ABCC4: variants seen among roughly 807,000 people sequenced by gnomAD.
ABCC4 encodes the protein ATP-binding cassette sub-family C member 4.
A neutral mutation model predicts 168.5 loss-of-function variants in ABCC4; 102 were observed. The observed-to-expected ratio is 0.61, with a 90% CI of 0.52 to 0.71. The LOEUF (loss-of-function observed/expected upper bound fraction) is 0.71, where lower values mean the gene tolerates loss of function less well. Ranked by LOEUF, ABCC4 falls within the 30% of genes least tolerant of loss-of-function variation. The pLI is 0.00. For synonymous variants in ABCC4, 617 were observed against 590.7 expected, an observed-to-expected ratio of 1.04 and a Z score of -0.65; for missense variants, 1,402 against 1,605.8, an observed-to-expected ratio of 0.87 and a Z score of 2.17.
chr13:95,204,119 A>T (rs953503886), intron 8 of ABCC4, among the ~76,000 whole-genome samples: 9 of 152,136 alleles, frequency 5.9e-5, no homozygotes, highest in Non-Finnish European at 1.2e-4. Flanking sequence ...AAGGGAGGAC[A>T]CCCCAGCCAC....
chr13:95,080,565 C>T (rs1272994573), intron 21 of ABCC4, among the ~76,000 whole-genome samples: 4 of 152,130 alleles, frequency 2.6e-5, no homozygotes, highest in African/African-American at 9.7e-5. Flanking sequence ...CCTCCACCTC[C>T]TGGGTTCAAG....
chr13:95,248,186 C>G (rs989228793), intron 1 of ABCC4, among the ~76,000 whole-genome samples: 1 of 152,152 alleles, frequency 6.6e-6, no homozygotes, highest in Non-Finnish European at 1.5e-5. Flanking sequence ...TTGACGGGGT[C>G]CCACTAGACA....
intron 20 of ABCC4, among the ~76,000 whole-genome samples, chr13:95,086,087 TTGTG>T (rs55973195): frequency 2.0e-4 from 29 of 141,986 alleles, no homozygotes; most frequent in Non-Finnish European, 3.1e-4. Flanking sequence ...TTTAAGGTTA[TTGTG>T]TGTGTGTGTG....
chr13:95,208,008 T>A, intron 6 of ABCC4, 83 bp from the exon 7 acceptor site: 1 of 1,494,532 alleles, frequency 6.7e-7, no homozygotes, highest in Admixed American at 2.2e-5. Context: ...GGGACCTGCA[T>A]CACATGGTTC....
intron 20 of ABCC4, among the ~76,000 whole-genome samples, chr13:95,101,408 C>A (rs560099813): frequency 3.7e-4 from 56 of 151,406 alleles, no homozygotes; most frequent in African/African-American, 1.2e-3. Context: ...TTTGCAATTC[C>A]GTGTGCCTCA....
intron 3 of ABCC4, among the ~76,000 whole-genome samples, chr13:95,239,433 G>A (rs2039869764): frequency 6.6e-6 from 1 of 152,178 alleles, no homozygotes; most frequent in Admixed American, 6.5e-5. Context: ...AGGAGTTAAA[G>A]CTGCTAGGAA....
chr13:95,167,040 T>A (rs2037298854), intron 14 of ABCC4, among the ~76,000 whole-genome samples: 2 of 151,766 alleles, frequency 1.3e-5, no homozygotes, highest in Admixed American at 1.3e-4. Context: ...TACAAAAAAA[T>A]TAGCCGGGCA....
At chr13:95,244,490 G>A (rs1177963699) in intron 3 of ABCC4, among the ~76,000 whole-genome samples, 1 of 150,764 alleles carries the variant, frequency 6.6e-6, no homozygotes, top group Non-Finnish European at 1.5e-5. Flanking sequence ...AGGACTGCTT[G>A]AGCCCAGTAG....
intron 19 of ABCC4, among the ~76,000 whole-genome samples, chr13:95,128,861 T>C (rs757823488): frequency 2.0e-5 from 3 of 152,226 alleles, no homozygotes; most frequent in Admixed American, 6.5e-5. Context: ...TAAGTTTGGC[T>C]GATAATTCCC....
intron 1 of ABCC4, among the ~76,000 whole-genome samples, chr13:95,299,425 A>G (rs2041617642): frequency 6.6e-6 from 1 of 152,110 alleles, no homozygotes; most frequent in African/African-American, 2.4e-5. Context: ...AGAAGTTCCT[A>G]CACCCACTGA....
intron 4 of ABCC4, 84 bp downstream of exon 4, chr13:95,234,526 G>T: frequency 8.9e-7 from 1 of 1,120,352 alleles, no homozygotes; most frequent in Non-Finnish European, 1.3e-6. Flanking sequence ...GGCTATTTAT[G>T]CAGTATTTAA....
At chr13:95,144,855 T>C (rs2036438463) in intron 19 of ABCC4, among the ~76,000 whole-genome samples, 1 of 152,112 alleles carries the variant, frequency 6.6e-6, no homozygotes, top group Non-Finnish European at 1.5e-5. Context: ...ACCAAAGCCA[T>C]TTTTCACAGA....
intron 1 of ABCC4, among the ~76,000 whole-genome samples, chr13:95,268,945 T>A (rs2040764767): frequency 6.6e-6 from 1 of 152,026 alleles, no homozygotes; most frequent in Non-Finnish European, 1.5e-5. Flanking sequence ...CTTTTCTCAG[T>A]CTCTCGTCCC....
At chr13:95,266,313 C>G (rs1246066275) in intron 1 of ABCC4, 2 of 152,346 alleles carry the variant, frequency 1.3e-5, no homozygotes, top group African/African-American at 4.8e-5. Context: ...CAGGTAGAGA[C>G]TCAAGTGATG....
chr13:95,231,474 T>C (rs2039620271), intron 4 of ABCC4, among the ~76,000 whole-genome samples: 1 of 152,180 alleles, frequency 6.6e-6, no homozygotes, highest in African/African-American at 2.4e-5. Context: ...ACCTGATTTC[T>C]GCCAGACCGG....
intron 13 of ABCC4, 129 bp downstream of exon 13, chr13:95,177,578 A>G: frequency 3.1e-6 from 2 of 641,170 alleles, no homozygotes; most frequent in Non-Finnish European, 5.2e-6. Flanking sequence ...TCTTCAGGGA[A>G]GCAGGGGACA....
chr13:95,146,096 A>AACT (rs2036484925), intron 19 of ABCC4, among the ~76,000 whole-genome samples: 3 of 152,060 alleles, frequency 2.0e-5, no homozygotes, highest in South Asian at 4.2e-4. Flanking sequence ...TTGTAATTCC[A>AACT]ACTACTCAGG....
At chr13:95,120,270 A>G (rs1398299226) in intron 19 of ABCC4, among the ~76,000 whole-genome samples, 3 of 152,204 alleles carry the variant, frequency 2.0e-5, no homozygotes, top group Non-Finnish European at 1.5e-5. Flanking sequence ...TACTTTTGAT[A>G]AGAATTGGCC....
At position 95,074,201 on chromosome 13, in the gene ABCC4, C is replaced by T. The variant is rs1470604923; in HGVS notation, c.2917+13G>A. 1.5e-5 allele frequency: 24 copies of T among 1,583,578 alleles called. No homozygotes were observed. The highest frequency in any genetic ancestry group is 2.1e-5 in the Non-Finnish European group (24 of 1,154,520). On this transcript the variant is annotated intron_variant, in intron 23 of 30. Transcript: ENST00000645237. ...TAATCATACCATACATAGTTATTCA[C>T]ATCTGTACTTACTTTTTGCCAGAAT...
Sources: gnomAD v4.1 joint callset for allele counts (sites outside exome capture counted in the v4.1 genomes callset) on GRCh38, gnomAD v4.1.1 for gene constraint, MANE v1.5 for transcripts, NCBI Gene and HGNC (gene_info 2026-07-23, HGNC 2026-07-21) for gene names.